Variants in SMOC2 observed in about 807,000 individuals in gnomAD.
SMOC2 encodes SPARC-related modular calcium-binding protein 2.
In SMOC2, 39 loss-of-function variants were observed where a neutral mutation model predicts 61.4. The observed-to-expected ratio is 0.64, with a 90% CI of 0.49 to 0.83. The LOEUF (loss-of-function observed/expected upper bound fraction) is 0.83. Among genes scored for constraint, SMOC2 ranks in the 40% least tolerant of loss-of-function variants. The pLI is 0.00. For missense variants in SMOC2, 556 were observed against 592.9 expected (o/e 0.94, Z 0.65); for synonymous variants, 247 against 239.9 (o/e 1.03, Z -0.27).
chr6:168,460,778 T>C (rs1271883569), intron 1 of SMOC2, among the ~76,000 whole-genome samples: 1 of 152,202 alleles, frequency 6.6e-6, no homozygotes, highest in Non-Finnish European at 1.5e-5. Flanking sequence ...AAGAACTCAT[T>C]TTGGTGGAAA....
At chr6:168,625,983 C>T (rs763988218) in intron 9 of SMOC2, among the ~76,000 whole-genome samples, 3 of 152,218 alleles carry the variant, frequency 2.0e-5, no homozygotes, top group Non-Finnish European at 4.4e-5. Context: ...CCTGGCTCCC[C>T]TATTCTGCAG....
At chr6:168,655,389 G>T in intron 11 of SMOC2, 1 of 456,618 alleles carries the variant, frequency 2.2e-6, no homozygotes, top group South Asian at 1.5e-5. Flanking sequence ...CTACCCAACC[G>T]TGACAGGAAG....
intron 7 of SMOC2, among the ~76,000 whole-genome samples, chr6:168,563,242 CG>C (rs1446038632): frequency 3.3e-5 from 5 of 152,170 alleles, no homozygotes; most frequent in Admixed American, 2.6e-4. Context: ...TAAGCACACA[CG>C]TGCATTCATA....
At chr6:168,581,426 C>CTGCT (rs1784915065) in intron 7 of SMOC2, among the ~76,000 whole-genome samples, 1 of 152,242 alleles carries the variant, frequency 6.6e-6, no homozygotes, top group Non-Finnish European at 1.5e-5. Context: ...TCGCCCAGAC[C>CTGCT]TGCTGGCCAG....
At chr6:168,609,609 G>GGT (rs986298483) in intron 9 of SMOC2, among the ~76,000 whole-genome samples, 1 of 152,054 alleles carries the variant, frequency 6.6e-6, no homozygotes, top group Non-Finnish European at 1.5e-5. Flanking sequence ...TCCATTATCT[G>GGT]GTGTCATCTC....
At chr6:168,584,440 G>T (rs1157059962) in intron 7 of SMOC2, among the ~76,000 whole-genome samples, 1 of 152,132 alleles carries the variant, frequency 6.6e-6, no homozygotes, top group East Asian at 1.9e-4. Context: ...GCCAAACTTG[G>T]CAAGAGTTGG....
intron 11 of SMOC2, among the ~76,000 whole-genome samples, chr6:168,662,330 G>C (rs1243858247): frequency 9.8e-5 from 15 of 152,334 alleles, no homozygotes; most frequent in African/African-American, 3.6e-4. Flanking sequence ...GGTCAGGAGG[G>C]CTGGAACGTT....
intron 11 of SMOC2, among the ~76,000 whole-genome samples, chr6:168,658,528 C>A (rs1226958744): frequency 6.6e-6 from 1 of 152,020 alleles, no homozygotes; most frequent in African/African-American, 2.4e-5. Flanking sequence ...CGCATGGCTT[C>A]TGCCCTCCTC....
chr6:168,521,578 C>G (rs1461117918), intron 2 of SMOC2, among the ~76,000 whole-genome samples: 1 of 152,202 alleles, frequency 6.6e-6, no homozygotes, highest in Non-Finnish European at 1.5e-5. Context: ...CTATCATTAA[C>G]CAAAAATTCA....
chr6:168,521,020 G>A (rs542990566), intron 2 of SMOC2, among the ~76,000 whole-genome samples: 2 of 152,340 alleles, frequency 1.3e-5, no homozygotes, highest in African/African-American at 4.8e-5. Flanking sequence ...TGTTTTGAGA[G>A]ATTCTAGCAA....
intron 6 of SMOC2, 25 bp from the exon 7 acceptor site, chr6:168,549,104 C>T: frequency 1.3e-6 from 2 of 1,596,974 alleles, no homozygotes; most frequent in Non-Finnish European, 1.7e-6. Flanking sequence ...ATTAAAGATG[C>T]TTGTCATTTC....
At chr6:168,543,720 T>C (rs2115099623) in intron 5 of SMOC2, 48 bp downstream of exon 5, 2 of 1,537,954 alleles carry the variant, frequency 1.3e-6, no homozygotes, top group East Asian at 4.5e-5. Flanking sequence ...ACATCTAACT[T>C]ATCCCGTGAA....
intron 1 of SMOC2, among the ~76,000 whole-genome samples, chr6:168,455,655 A>T (rs1781565782): frequency 4.6e-5 from 7 of 152,214 alleles, no homozygotes; most frequent in Admixed American, 4.6e-4. Flanking sequence ...AGATTTCATT[A>T]TTATCTCTGG....
intron 9 of SMOC2, among the ~76,000 whole-genome samples, chr6:168,626,930 G>T (rs1168784620): frequency 6.6e-6 from 1 of 152,158 alleles, no homozygotes; most frequent in African/African-American, 2.4e-5. Flanking sequence ...GCCTGGACCT[G>T]CCGGGAGAGT....
At chr6:168,513,692 T>C (rs1475439733) in intron 2 of SMOC2, among the ~76,000 whole-genome samples, 1 of 152,244 alleles carries the variant, frequency 6.6e-6, no homozygotes, top group Non-Finnish European at 1.5e-5. Context: ...TACTGAATGA[T>C]TCCTTGAAGA....
chr6:168,636,271 C>T (rs1174252437), intron 9 of SMOC2, among the ~76,000 whole-genome samples: 1 of 152,188 alleles, frequency 6.6e-6, no homozygotes, highest in Non-Finnish European at 1.5e-5. Flanking sequence ...GGTGGTCACA[C>T]CAGCTCATCA....
chr6:168,525,604 C>T (rs868725910), intron 2 of SMOC2, among the ~76,000 whole-genome samples: 3 of 152,176 alleles, frequency 2.0e-5, no homozygotes, highest in South Asian at 2.1e-4. Context: ...GTAGCAGTGA[C>T]GTTGCGCCTT....
chr6:168,632,537 C>G (rs1786596725), intron 9 of SMOC2, among the ~76,000 whole-genome samples: 1 of 152,192 alleles, frequency 6.6e-6, no homozygotes, highest in Admixed American at 6.5e-5. Flanking sequence ...AACACTGCAC[C>G]TCCAGTACGT....
At chr6:168,600,951 T>C (rs1354613401) in intron 8 of SMOC2, among the ~76,000 whole-genome samples, 1 of 152,220 alleles carries the variant, frequency 6.6e-6, no homozygotes, top group Non-Finnish European at 1.5e-5. Flanking sequence ...TGAGTAGAAA[T>C]GGTTTTGCAG....
Sources: allele counts gnomAD v4.1 joint callset (sites outside exome capture counted in the v4.1 genomes callset), GRCh38; gene constraint gnomAD v4.1.1; transcripts MANE v1.5; gene names NCBI Gene and HGNC (gene_info 2026-07-23, HGNC 2026-07-21).